The following ESRRB variants were observed in gnomAD, a reference collection of about 807,000 sequenced individuals.
ESRRB encodes steroid hormone receptor ERR2.
Under a neutral mutation model 46.0 loss-of-function variants are expected in ESRRB, and 16 were observed. The observed-to-expected ratio is 0.35, with a 90% CI of 0.24 to 0.53. The LOEUF is 0.53. Among genes scored for constraint, ESRRB ranks in the 20% least tolerant of loss-of-function variants. ESRRB has a pLI of 0.93. For synonymous variants in ESRRB, 246 were observed against 259.6 expected (o/e 0.95, Z 0.50); for missense variants, 488 against 607.4 (o/e 0.80, Z 2.07).
intron 1 of ESRRB, among the ~76,000 whole-genome samples, chr14:76,344,069 T>G (rs1250774891): frequency 6.6e-6 from 1 of 152,236 alleles, no homozygotes; most frequent in Non-Finnish European, 1.5e-5. Context: ...GCAATAATTA[T>G]TAGCTTCAGA....
chr14:76,417,785 C>G (rs1277174603), intron 1 of ESRRB, among the ~76,000 whole-genome samples: 1 of 151,996 alleles, frequency 6.6e-6, no homozygotes, highest in East Asian at 1.9e-4. Context: ...GCAGAAAGAA[C>G]AAGCCTTCCC....
At chr14:76,335,194 C>T (rs1884111898) in intron 1 of ESRRB, among the ~76,000 whole-genome samples, 1 of 152,210 alleles carries the variant, frequency 6.6e-6, no homozygotes, top group South Asian at 2.1e-4. Context: ...ATCCTTGAAT[C>T]TCCATTAGCC....
intron 1 of ESRRB, among the ~76,000 whole-genome samples, chr14:76,332,592 A>T (rs1884030275): frequency 4.0e-5 from 1 of 24,898 alleles, no homozygotes. Flanking sequence ...ATATTTATAT[A>T]TTATATATTA....
chr14:76,344,254 T>G (rs1335452963), intron 1 of ESRRB, among the ~76,000 whole-genome samples: 1 of 152,214 alleles, frequency 6.6e-6, no homozygotes, highest in Non-Finnish European at 1.5e-5. Flanking sequence ...ATTAGTGTTG[T>G]GCTTTTATTT....
intron 1 of ESRRB, among the ~76,000 whole-genome samples, chr14:76,356,541 C>A (rs1293461623): frequency 6.6e-6 from 1 of 152,186 alleles, no homozygotes; most frequent in African/African-American, 2.4e-5. Context: ...AGTCTGATTC[C>A]TTCTAGCCCC....
At chr14:76,438,172 CAA>C (rs915425724) in intron 1 of ESRRB, among the ~76,000 whole-genome samples, 32 of 152,086 alleles carry the variant, frequency 2.1e-4, no homozygotes, top group Non-Finnish European at 2.9e-5. Flanking sequence ...CTTCTGGTAC[CAA>C]GCCTGGACCA....
chr14:76,497,603 G>A (rs1224208912), intron 6 of ESRRB, among the ~76,000 whole-genome samples: 1 of 152,176 alleles, frequency 6.6e-6, no homozygotes, highest in African/African-American at 2.4e-5. Flanking sequence ...TTGACACAGT[G>A]CTCAGCCCCT....
intron 3 of ESRRB, among the ~76,000 whole-genome samples, chr14:76,469,557 A>G (rs563716355): frequency 6.6e-6 from 1 of 152,064 alleles, no homozygotes; most frequent in African/African-American, 2.4e-5. Flanking sequence ...TGTTAAAAAA[A>G]TTTTTTTTCA....
chr14:76,472,996 A>G (rs1334662756), intron 3 of ESRRB, among the ~76,000 whole-genome samples: 2 of 152,206 alleles, frequency 1.3e-5, no homozygotes, highest in South Asian at 4.1e-4. Flanking sequence ...CCTCTAAATG[A>G]GTAAGTCCTC....
At chr14:76,447,311 A>T (rs1888195942) in intron 2 of ESRRB, among the ~76,000 whole-genome samples, 1 of 139,770 alleles carries the variant, frequency 7.2e-6, no homozygotes, top group African/African-American at 2.6e-5. Context: ...CTTTCCATTA[A>T]CATTCAACTA....
At chr14:76,457,007 C>T (rs180996683) in intron 2 of ESRRB, among the ~76,000 whole-genome samples, 5 of 152,256 alleles carry the variant, frequency 3.3e-5, no homozygotes, top group East Asian at 1.9e-4. Flanking sequence ...CACAGGTCCC[C>T]GAGAGCTATT....
At chr14:76,337,322 TC>T (rs1447456705) in intron 1 of ESRRB, among the ~76,000 whole-genome samples, 1 of 152,194 alleles carries the variant, frequency 6.6e-6, no homozygotes, top group African/African-American at 2.4e-5. Flanking sequence ...TAGAGGACTT[TC>T]CCCTTGGAGC....
intron 3 of ESRRB, among the ~76,000 whole-genome samples, chr14:76,468,822 ATTC>A (rs1413951867): frequency 2.0e-5 from 3 of 152,116 alleles, no homozygotes; most frequent in Non-Finnish European, 4.4e-5. Context: ...CAAAATGGAT[ATTC>A]TTCTGTGATC....
intron 1 of ESRRB, among the ~76,000 whole-genome samples, chr14:76,389,466 G>C (rs749690903): frequency 6.6e-6 from 1 of 152,234 alleles, no homozygotes; most frequent in Non-Finnish European, 1.5e-5. Context: ...AGTAGTTAAA[G>C]GGGAGCCCTT....
chr14:76,319,781 T>C (rs769738280), intron 1 of ESRRB, among the ~76,000 whole-genome samples: 5 of 152,148 alleles, frequency 3.3e-5, no homozygotes, highest in Non-Finnish European at 5.9e-5. Flanking sequence ...CACTCGGATC[T>C]CTGCCCTTTA....
intron 1 of ESRRB, among the ~76,000 whole-genome samples, chr14:76,321,557 A>G (rs1883867804): frequency 6.6e-6 from 1 of 152,218 alleles, no homozygotes; most frequent in South Asian, 2.1e-4. Flanking sequence ...ATACCTAATC[A>G]TGACATTTCC....
Position 76,491,713 on chromosome 14 carries a change from TC to T in ESRRB, c.1119del (p.Asp374IlefsTer8). 6.3e-7 allele frequency: 1 copy of T among 1,578,150 alleles called. No individual in the cohort carries two copies. Among genetic ancestry groups the T allele is most frequent in the Non-Finnish European group, 8.6e-7 (1 of 1,163,558 alleles). ...VTLKALALANSDSMYIEDLEA... is the reference protein window; with the variant it reads ...VTLKALALANXDSMYIEDLEA... ...GCTCAAGGCCCTGGCCCTCGCCAACTCCGGTAAGGGCGGCGGCGGGGCCTGG... is the reference window on the plus strand; with the variant it reads ...GCTCAAGGCCCTGGCCCTCGCCAACTCGGTAAGGGCGGCGGCGGGGCCTGG... On this transcript the variant is annotated frameshift_variant and splice_region_variant, in exon 6 of 7. Coordinates refer to ENST00000644823, the MANE Select transcript of ESRRB (RefSeq NM_001379180.1). LOFTEE classifies it high-confidence loss of function.
At position 76,438,068 on chromosome 14, in the gene ESRRB, T is replaced by C. The variant is rs1245315767; in HGVS notation, c.51-1273T>C. ...AAGCTTTCCAGTGGAGACATGTCTC[T>C]TGGGGGACAGGCAGGCTGGGTAGAA... On this transcript the variant is annotated intron_variant, in intron 1 of 6. Transcript: ENST00000644823. Among the ~76,000 whole-genome samples the C allele has an allele frequency of 6.6e-5, 10 of 152,154 alleles. No individual in the cohort carries two copies. The East Asian group carries it at 1.6e-3, about 24-fold the overall frequency.
chr14:76,500,557 C>G lies in ESRRB; in HGVS notation c.*2099C>G, dbSNP rs1890624417. The G allele has an allele frequency of 1.5e-5, 12 of 824,652 alleles. 1 individual carries two copies. In the Admixed American group the frequency reaches 2.0e-4, roughly 14 times the overall value. The allele number at this position is 824,652 out of a possible 1,614,324, so 51.1% of individuals were successfully genotyped here. A position where few individuals can be genotyped will look rare whatever the true frequency, so the allele number is the denominator to read the frequency against. ...AGACCTTGGGGTGTGTGCTTTGGGA[C>G]TCCCTCAGTCTCTCACTGTGCTGTG... On this transcript the variant is annotated 3_prime_UTR_variant, in exon 7 of 7. Coordinates refer to ENST00000644823, the MANE Select transcript of ESRRB (RefSeq NM_001379180.1).
Sources: gnomAD v4.1 joint callset for allele counts (sites outside exome capture counted in the v4.1 genomes callset) on GRCh38, gnomAD v4.1.1 for gene constraint, MANE v1.5 for transcripts, NCBI Gene and HGNC (gene_info 2026-07-23, HGNC 2026-07-21) for gene names.